The following KIAA1328 variants were observed in gnomAD, a reference collection of about 807,000 sequenced individuals.
KIAA1328 encodes the protein KIAA1328.
In KIAA1328, 52 loss-of-function variants were observed where a neutral mutation model predicts 68.1. The observed-to-expected ratio is 0.76, with a 90% confidence interval of 0.61 to 0.96. The LOEUF (loss-of-function observed/expected upper bound fraction) is 0.96, where lower values mean the gene tolerates loss of function less well. Ranked by LOEUF, KIAA1328 falls within the 40% of genes least tolerant of loss-of-function variation. The pLI is 0.00. For missense variants in KIAA1328, 641 were observed against 677.6 expected (o/e 0.95, Z 0.60); for synonymous variants, 232 against 239.4 (o/e 0.97, Z 0.28).
rs60337954 is a variant in KIAA1328 at position 37,103,803 on chromosome 18, TACACACACAC to T, written c.1232+36285_1232+36294del. On this transcript the variant is annotated intron_variant, in intron 7 of 9. Coordinates refer to ENST00000280020, the MANE Select transcript of KIAA1328 (RefSeq NM_020776.3). ...ACACAAGGAATAGTTCAATAGCAAATACACACACACACACACACACACACACACACACACA... is the reference window on the plus strand; with the variant it reads ...ACACAAGGAATAGTTCAATAGCAAATACACACACACACACACACACACACA... 7.8e-3 allele frequency among the ~76,000 whole-genome samples: 1,131 copies of T among 145,750 alleles called. 8 individuals are homozygous for T. The highest frequency in any genetic ancestry group is 0.013 in the Non-Finnish European group (822 of 65,754).
Position 37,035,445 on chromosome 18 carries a change from G to A in KIAA1328, c.577-31445G>A, listed in dbSNP as rs1408490023. Among the ~76,000 whole-genome samples the A allele has an allele frequency of 2.0e-5, 3 of 152,188 alleles. No individual in the cohort carries two copies. In the East Asian group the frequency reaches 5.8e-4, roughly 29 times the overall value. On this transcript the variant is annotated intron_variant, in intron 6 of 9. Transcript: ENST00000280020. ...AAAGTTTGAGAACCTCTGTGCTAGT[G>A]TAATGGAAATGTCATCTGTTATTCA...
chr18:37,053,746 G>A (rs968424382), intron 6 of KIAA1328, among the ~76,000 whole-genome samples: 2 of 152,036 alleles, frequency 1.3e-5, no homozygotes, highest in Non-Finnish European at 2.9e-5. Flanking sequence ...TCACTATCAC[G>A]AGAACAGCAT....
intron 7 of KIAA1328, among the ~76,000 whole-genome samples, chr18:37,087,306 C>A (rs1422858140): frequency 6.6e-6 from 1 of 152,110 alleles, no homozygotes; most frequent in Non-Finnish European, 1.5e-5. Flanking sequence ...GTAATCTACC[C>A]GCCTCAGCTT....
intron 7 of KIAA1328, among the ~76,000 whole-genome samples, chr18:37,116,368 C>G (rs964873027): frequency 2.6e-5 from 4 of 152,166 alleles, no homozygotes; most frequent in African/African-American, 9.7e-5. Context: ...ACATCTACAA[C>G]CATCTGACCT....
intron 9 of KIAA1328, among the ~76,000 whole-genome samples, chr18:37,207,572 G>C (rs1443224368): frequency 1.3e-5 from 2 of 152,292 alleles, no homozygotes; most frequent in African/African-American, 2.4e-5. Context: ...ATGTGTCTTG[G>C]GTTTTCTTTA....
At chr18:37,096,954 A>G (rs2057429319) in intron 7 of KIAA1328, among the ~76,000 whole-genome samples, 1 of 151,988 alleles carries the variant, frequency 6.6e-6, no homozygotes, top group African/African-American at 2.4e-5. Context: ...GTTTGAGTTC[A>G]TTGTAGATTC....
At chr18:36,888,241 T>C (rs2048566944) in intron 5 of KIAA1328, among the ~76,000 whole-genome samples, 1 of 152,178 alleles carries the variant, frequency 6.6e-6, no homozygotes, top group Non-Finnish European at 1.5e-5. Flanking sequence ...ACTCATTCCT[T>C]TATGTATTGT....
intron 6 of KIAA1328, among the ~76,000 whole-genome samples, chr18:37,013,807 C>A (rs2054058264): frequency 6.6e-6 from 1 of 152,148 alleles, no homozygotes; most frequent in Admixed American, 6.5e-5. Flanking sequence ...GATGAACATG[C>A]AAGTACATGT....
At chr18:37,137,048 C>A (rs148620998) in intron 7 of KIAA1328, among the ~76,000 whole-genome samples, 11 of 152,172 alleles carry the variant, frequency 7.2e-5, no homozygotes, top group South Asian at 2.1e-4. Flanking sequence ...CCAGCTTTTT[C>A]TTTTTTAGTA....
chr18:37,167,641 T>C (rs570216614), intron 8 of KIAA1328, among the ~76,000 whole-genome samples: 27 of 152,186 alleles, frequency 1.8e-4, no homozygotes, highest in African/African-American at 6.0e-4. Context: ...CAGCTGCTTG[T>C]GTGCTCTTCT....
At chr18:37,163,185 A>T (rs1300341096) in intron 8 of KIAA1328, among the ~76,000 whole-genome samples, 1 of 152,112 alleles carries the variant, frequency 6.6e-6, no homozygotes, top group Non-Finnish European at 1.5e-5. Flanking sequence ...AATCATCGAT[A>T]TTCCCTTTTA....
At chr18:37,074,405 T>A (rs539602332) in intron 7 of KIAA1328, among the ~76,000 whole-genome samples, 1 of 152,338 alleles carries the variant, frequency 6.6e-6, no homozygotes, top group African/African-American at 2.4e-5. Context: ...GTGCAGCTAT[T>A]TCTCCCTGTC....
chr18:37,053,891 A>C (rs1040189579), intron 6 of KIAA1328, among the ~76,000 whole-genome samples: 29 of 152,066 alleles, frequency 1.9e-4, no homozygotes, highest in African/African-American at 7.0e-4. Context: ...AATAGAATAC[A>C]GAATTTGCAA....
chr18:37,084,334 T>G lies in KIAA1328; in HGVS notation c.1232+16789T>G, dbSNP rs1599206692. ...CTCTATGTTGATTAATACAGTTTTG[T>G]GACCATATGAATACGTACATTCCTG... On this transcript the variant is annotated intron_variant, in intron 7 of 9. Transcript: ENST00000280020. 6 of 500,080 alleles carry G rather than the reference T, an allele frequency of 1.2e-5. No homozygotes were observed. In the East Asian group the frequency reaches 1.8e-4, roughly 15 times the overall value. The allele number at this position is 500,080 out of a possible 1,614,324, so 31.0% of individuals were successfully genotyped here. A position where few individuals can be genotyped will look rare whatever the true frequency, so the allele number is the denominator to read the frequency against.
At chr18:37,197,705 T>A (rs2060030237) in intron 9 of KIAA1328, among the ~76,000 whole-genome samples, 1 of 152,118 alleles carries the variant, frequency 6.6e-6, no homozygotes, top group Non-Finnish European at 1.5e-5. Context: ...AAGAAAAACA[T>A]TTCCACATAC....
At chr18:36,977,723 C>T (rs2052525213) in intron 6 of KIAA1328, among the ~76,000 whole-genome samples, 1 of 152,088 alleles carries the variant, frequency 6.6e-6, no homozygotes, top group Non-Finnish European at 1.5e-5. Context: ...TAGTGATTGA[C>T]AAGACTCAGA....
intron 9 of KIAA1328, among the ~76,000 whole-genome samples, chr18:37,195,343 C>T (rs796464190): frequency 4.6e-5 from 7 of 152,188 alleles, no homozygotes; most frequent in African/African-American, 1.7e-4. Flanking sequence ...TCTATTTTTG[C>T]TTTTATTGCT....
intron 4 of KIAA1328, among the ~76,000 whole-genome samples, chr18:36,875,589 A>C (rs955076731): frequency 6.6e-6 from 1 of 152,172 alleles, no homozygotes; most frequent in Admixed American, 6.5e-5. Context: ...GGGTTTAATA[A>C]ATATGCAATC....
At chr18:37,000,309 A>G (rs971821024) in intron 6 of KIAA1328, among the ~76,000 whole-genome samples, 2 of 152,174 alleles carry the variant, frequency 1.3e-5, no homozygotes, top group Non-Finnish European at 2.9e-5. Flanking sequence ...AGAGGATATA[A>G]CAGTTCTGAA....
Sources: allele counts gnomAD v4.1 joint callset (sites outside exome capture counted in the v4.1 genomes callset), GRCh38; gene constraint gnomAD v4.1.1; transcripts MANE v1.5; gene names NCBI Gene and HGNC (gene_info 2026-07-23, HGNC 2026-07-21).